The following SHC3 variants were observed in gnomAD, a reference collection of about 807,000 sequenced individuals.
SHC3 encodes SHC-transforming protein 3.
Under a neutral mutation model 60.4 loss-of-function variants are expected in SHC3, and 15 were observed. The observed-to-expected ratio is 0.25, with a 90% CI of 0.17 to 0.38. The LOEUF is 0.38. SHC3 is among the 10% of genes least tolerant of loss of function. SHC3 has a pLI of 1.00. For synonymous variants in SHC3, 294 were observed against 325.9 expected, an observed-to-expected ratio of 0.90 and a Z score of 1.05; for missense variants, 677 against 786.1, an observed-to-expected ratio of 0.86 and a Z score of 1.66.
chr9:89,166,860 T>G (rs1489690031), intron 1 of SHC3, among the ~76,000 whole-genome samples: 1 of 152,084 alleles, frequency 6.6e-6, no homozygotes, highest in East Asian at 1.9e-4. Context: ...GCGAAGGTAA[T>G]AAGTACTAAA....
At chr9:89,057,315 CTTT>C (rs10606274) in intron 6 of SHC3, among the ~76,000 whole-genome samples, 30,813 of 133,660 alleles carry the variant, frequency 0.23, 3,508 homozygotes, top group Middle Eastern at 0.26. Context: ...TTTCCTTTTT[CTTT>C]TTTTTTTTTT....
chr9:89,126,895 A>G (rs1158611046), intron 1 of SHC3, among the ~76,000 whole-genome samples: 2 of 152,140 alleles, frequency 1.3e-5, no homozygotes, highest in Non-Finnish European at 2.9e-5. Context: ...GACCCAACAA[A>G]CTGGTCAGTT....
chr9:89,143,660 A>T (rs913021150), intron 1 of SHC3, among the ~76,000 whole-genome samples: 2 of 151,924 alleles, frequency 1.3e-5, no homozygotes, highest in Non-Finnish European at 2.9e-5. Context: ...TATAACAGAA[A>T]TTTTTTTTGT....
chr9:89,087,860 C>T (rs1437618819), intron 2 of SHC3, among the ~76,000 whole-genome samples: 2 of 152,100 alleles, frequency 1.3e-5, no homozygotes, highest in Admixed American at 1.3e-4. Flanking sequence ...AGAACAGAGA[C>T]CTTAAGATTG....
intron 1 of SHC3, among the ~76,000 whole-genome samples, chr9:89,129,027 G>A (rs1488233598): frequency 2.0e-5 from 3 of 152,114 alleles, no homozygotes; most frequent in Non-Finnish European, 2.9e-5. Context: ...TGGATGAATG[G>A]CTAACTAGAA....
At chr9:89,090,552 C>T (rs763278878) in intron 2 of SHC3, among the ~76,000 whole-genome samples, 2 of 152,154 alleles carry the variant, frequency 1.3e-5, no homozygotes, top group African/African-American at 2.4e-5. Flanking sequence ...TGGGAGGCTT[C>T]CCCCAGGAGG....
intron 1 of SHC3, among the ~76,000 whole-genome samples, chr9:89,164,678 A>T (rs975812414): frequency 1.3e-5 from 2 of 152,206 alleles, no homozygotes; most frequent in African/African-American, 4.8e-5. Flanking sequence ...TTACAGAAAA[A>T]GGTGAAAAAT....
At chr9:89,162,779 A>G (rs1425681504) in intron 1 of SHC3, among the ~76,000 whole-genome samples, 1 of 149,592 alleles carries the variant, frequency 6.7e-6, no homozygotes. Context: ...TGCACAGCAA[A>G]AGAAACTACC....
At chr9:89,016,936 G>A (rs910778244) in intron 11 of SHC3, among the ~76,000 whole-genome samples, 1 of 151,922 alleles carries the variant, frequency 6.6e-6, no homozygotes, top group Non-Finnish European at 1.5e-5. Context: ...TGCAGACAAA[G>A]CATTTGACAA....
chr9:89,133,264 G>A (rs1826275190), intron 1 of SHC3, among the ~76,000 whole-genome samples: 1 of 152,148 alleles, frequency 6.6e-6, no homozygotes, highest in Admixed American at 6.5e-5. Context: ...GGAAACAACA[G>A]GTGCTAGAGA....
chr9:89,020,231 G>T (rs1265814020), intron 11 of SHC3, among the ~76,000 whole-genome samples: 1 of 151,856 alleles, frequency 6.6e-6, no homozygotes, highest in Non-Finnish European at 1.5e-5. Context: ...TGGGGGTCAG[G>T]TTAAGGGGTG....
chr9:89,057,115 A>C (rs1398770269), intron 6 of SHC3, among the ~76,000 whole-genome samples: 1 of 152,212 alleles, frequency 6.6e-6, no homozygotes, highest in African/African-American at 2.4e-5. Flanking sequence ...CATTACTCAA[A>C]TGAGGAAATG....
At chr9:89,100,086 G>T (rs916526209) in intron 2 of SHC3, among the ~76,000 whole-genome samples, 2 of 152,168 alleles carry the variant, frequency 1.3e-5, no homozygotes, top group African/African-American at 4.8e-5. Context: ...TTAATTAAAA[G>T]CTCATGAGAC....
Position 89,068,270 on chromosome 9 carries a change from T to C in SHC3, c.784-2690A>G, listed in dbSNP as rs1264851236. On this transcript the variant is annotated intron_variant, in intron 5 of 11. Transcript: ENST00000375835. ...GGTCTTTTAACACTGCTAATTACAG[T>C]AGATTATAATCACAGCATGCCGTTT... 2.6e-5 allele frequency among the ~76,000 whole-genome samples: 4 copies of C among 152,208 alleles called. No individual in the cohort carries two copies. In the East Asian group the frequency reaches 7.7e-4, roughly 29 times the overall value.
At chr9:89,094,103 C>CA (rs1160433992) in intron 2 of SHC3, among the ~76,000 whole-genome samples, 4,343 of 72,794 alleles carry the variant, frequency 0.06, 88 homozygotes, top group Middle Eastern at 0.19. Context: ...GACTCTGTCT[C>CA]AAAAAAAAAA....
At chr9:89,071,143 G>A (rs1261835830) in intron 5 of SHC3, 56 bp downstream of exon 5, 1 of 1,532,878 alleles carries the variant, frequency 6.5e-7, no homozygotes, top group East Asian at 2.2e-5. Context: ...TTGAAGCAGG[G>A]GTCCCTTCTC....
At chr9:89,035,335 G>T (rs1824553989) in intron 11 of SHC3, among the ~76,000 whole-genome samples, 1 of 152,052 alleles carries the variant, frequency 6.6e-6, no homozygotes, top group African/African-American at 2.4e-5. Flanking sequence ...ATGTATTGTT[G>T]GTGACTTGAA....
At chr9:89,167,449 T>C (rs1332054299) in intron 1 of SHC3, among the ~76,000 whole-genome samples, 3 of 152,256 alleles carry the variant, frequency 2.0e-5, no homozygotes, top group Admixed American at 2.0e-4. Flanking sequence ...AGGGGTACCA[T>C]GATCCCATCA....
At position 89,112,345 on chromosome 9, in the gene SHC3, G is replaced by C. The variant is rs987115095; in HGVS notation, c.545+211C>G. 2.0e-5 allele frequency among the ~76,000 whole-genome samples: 3 copies of C among 152,186 alleles called. No individual in the cohort carries two copies. The South Asian group carries it at 6.2e-4, about 32-fold the overall frequency. On this transcript the variant is annotated intron_variant, in intron 2 of 11. Coordinates refer to ENST00000375835, the MANE Select transcript of SHC3 (RefSeq NM_016848.6). The stretch of plus-strand genomic sequence containing the variant: ...TATAAAAAGAGCGTGCAAGGGCAGA[G>C]TGTCCTTCAAGGTACTTTGGTTGAG...
Sources: allele counts gnomAD v4.1 joint callset (sites outside exome capture counted in the v4.1 genomes callset), GRCh38; gene constraint gnomAD v4.1.1; transcripts MANE v1.5; gene names NCBI Gene and HGNC (gene_info 2026-07-23, HGNC 2026-07-21).